The following MACROD1 variants were observed in gnomAD, a reference collection of about 807,000 sequenced individuals.
MACROD1 encodes ADP-ribose glycohydrolase MACROD1.
In MACROD1, 31 loss-of-function variants were observed where a neutral mutation model predicts 41.4. The ratio of observed to expected loss-of-function variants is 0.75; its 90% CI spans 0.56 to 1.01. The LOEUF (loss-of-function observed/expected upper bound fraction) is 1.01. MACROD1 is among the 50% of genes least tolerant of loss of function. The pLI is 0.00. For synonymous variants in MACROD1, 252 were observed against 203.4 expected (o/e 1.24, Z -2.03); for missense variants, 473 against 460.0 (o/e 1.03, Z -0.26).
chr11:64,137,075 G>A (rs867968204), intron 3 of MACROD1, among the ~76,000 whole-genome samples: 1 of 152,238 alleles, frequency 6.6e-6, no homozygotes, highest in African/African-American at 2.4e-5. Flanking sequence ...TCTTCAAATC[G>A]ATGGTGACAC....
At chr11:64,023,099 T>A (rs1000684962) in intron 3 of MACROD1, among the ~76,000 whole-genome samples, 1 of 152,040 alleles carries the variant, frequency 6.6e-6, no homozygotes, top group Admixed American at 6.6e-5. Context: ...TGATATCAAG[T>A]GATCCATCTG....
chr11:64,070,897 G>C (rs1347678695), intron 3 of MACROD1, among the ~76,000 whole-genome samples: 2 of 152,132 alleles, frequency 1.3e-5, no homozygotes, highest in African/African-American at 4.8e-5. Context: ...GACACTTGGG[G>C]AAGGGGTACC....
At chr11:64,023,999 C>T (rs1438013420) in intron 3 of MACROD1, among the ~76,000 whole-genome samples, 1 of 152,184 alleles carries the variant, frequency 6.6e-6, no homozygotes, top group Non-Finnish European at 1.5e-5. Context: ...TGGCCAGTCT[C>T]ACCCCAAGCT....
rs910055270 is a variant in MACROD1 at position 64,004,963 on chromosome 11, G to T, written c.548-4620C>A. Among the ~76,000 whole-genome samples, 14 of 152,200 alleles carry T rather than the reference G, an allele frequency of 9.2e-5. No homozygotes were observed. The South Asian group carries it at 2.7e-3, about 29-fold the overall frequency. On this transcript the variant is annotated intron_variant, in intron 4 of 10. Transcript: ENST00000255681. ...GGGGGATGGGAGACTGAGGGCCAGG[G>T]GGGTTAAGCAACCTGTCCAAGGCCC... is the stretch of plus-strand genomic sequence containing the variant.
Position 64,091,221 on chromosome 11 carries a change from G to A in MACROD1, c.517+60018C>T, listed in dbSNP as rs1046356232. On this transcript the variant is annotated intron_variant, in intron 3 of 10. Transcript: ENST00000255681. ...AGGGAAGTGGGCAGTGGCAGCCTCC[G>A]CTGCAGGGTCTGCAGCCCACGGAGT... Among the ~76,000 whole-genome samples, 8 of 152,146 alleles carry A rather than the reference G, an allele frequency of 5.3e-5. No homozygotes were observed. The South Asian group carries it at 6.2e-4, about 12-fold the overall frequency.
In MACROD1 at chr11:64,117,074, C is replaced by T. The variant is rs144664182; in HGVS notation, c.517+34165G>A. 125 of 1,601,894 alleles carry T rather than the reference C, an allele frequency of 7.8e-5. 1 individual carries two copies. The African/African-American group carries it at 1.4e-3, about 18-fold the overall frequency. ...CCGCGCCACCCCTCAACCTGCCCAGCGCCCACCTGCAGAAGCTCTACCTGC... is the reference window on the plus strand; with the variant it reads ...CCGCGCCACCCCTCAACCTGCCCAGTGCCCACCTGCAGAAGCTCTACCTGC... On this transcript the variant is annotated intron_variant, in intron 3 of 10. Transcript: ENST00000255681.
At chr11:64,075,595 AT>A (rs1302951069) in intron 3 of MACROD1, among the ~76,000 whole-genome samples, 3 of 152,236 alleles carry the variant, frequency 2.0e-5, no homozygotes, top group Non-Finnish European at 4.4e-5. Context: ...TCCTTGTCCC[AT>A]TCCATCCTGA....
At chr11:64,116,703 T>G (rs745977740) in intron 3 of MACROD1, 7 of 1,613,726 alleles carry the variant, frequency 4.3e-6, no homozygotes, top group Non-Finnish European at 5.1e-6. Context: ...TGCCAGGGAC[T>G]CGCTGGCCCG....
intron 3 of MACROD1, among the ~76,000 whole-genome samples, chr11:64,144,015 C>T (rs1430925622): frequency 6.6e-6 from 1 of 151,966 alleles, no homozygotes; most frequent in African/African-American, 2.4e-5. Flanking sequence ...CTCTGGGTCT[C>T]CCTGTCCTTA....
intron 3 of MACROD1, among the ~76,000 whole-genome samples, chr11:64,052,923 C>A (rs1238753953): frequency 6.6e-6 from 1 of 152,218 alleles, no homozygotes; most frequent in Non-Finnish European, 1.5e-5. Context: ...ACAGTATGGC[C>A]AGGCTTGGCC....
At chr11:64,054,899 T>A (rs993493862) in intron 3 of MACROD1, among the ~76,000 whole-genome samples, 7 of 152,062 alleles carry the variant, frequency 4.6e-5, no homozygotes, top group Non-Finnish European at 8.8e-5. Flanking sequence ...CACTACTCTT[T>A]CTGTCTTGGT....
intron 3 of MACROD1, among the ~76,000 whole-genome samples, chr11:64,132,439 G>A (rs1413270460): frequency 7.5e-6 from 1 of 133,994 alleles, no homozygotes; most frequent in East Asian, 2.7e-4. Context: ...TGGGGGTGGG[G>A]CGGGGGGAGG....
chr11:64,098,297 C>T (rs1221480883), intron 3 of MACROD1, among the ~76,000 whole-genome samples: 4 of 152,224 alleles, frequency 2.6e-5, no homozygotes, highest in Admixed American at 6.5e-5. Context: ...GCTCGGATCA[C>T]GGCCCTCCAC....
chr11:64,059,292 G>T (rs1215972092), intron 3 of MACROD1, among the ~76,000 whole-genome samples: 3 of 152,190 alleles, frequency 2.0e-5, no homozygotes, highest in Admixed American at 6.5e-5. Context: ...AGAGGGTCTT[G>T]CGGGTCCTGG....
rs954129306 is a variant in MACROD1, at chr11:64,122,699, C to G, written c.517+28540G>C. ...TGTGCTAGGGAGGGGTCCAGCGTCA[C>G]TCAGGAAACTGGTGCTCCAGAGGCC... On this transcript the variant is annotated intron_variant, in intron 3 of 10. Coordinates refer to ENST00000255681, the MANE Select transcript of MACROD1 (RefSeq NM_014067.4). This position sits in a 1 kb window ranked among gnomAD's most constrained non-coding sequence, Gnocchi z 4.0. Among the ~76,000 whole-genome samples, 5 of 152,182 alleles carry G rather than the reference C, an allele frequency of 3.3e-5. No homozygotes were observed. The highest frequency in any genetic ancestry group is 1.2e-4 in the African/African-American group (5 of 41,434).
chr11:64,055,508 A>AG (rs1173446429), intron 3 of MACROD1, among the ~76,000 whole-genome samples: 2 of 152,064 alleles, frequency 1.3e-5, no homozygotes, highest in Non-Finnish European at 2.9e-5. Flanking sequence ...CTGCCCCATT[A>AG]GGGGGCTAAA....
intron 3 of MACROD1, among the ~76,000 whole-genome samples, chr11:64,031,501 G>A (rs1211118035): frequency 4.6e-5 from 5 of 107,590 alleles, no homozygotes; most frequent in African/African-American, 8.4e-5. Flanking sequence ...TTTTTGTGAC[G>A]TAGTCTCACT....
intron 10 of MACROD1, 34 bp from the exon 11 acceptor site, chr11:63,998,721 GCGTCCCCGACCTCCCAGGCTGCCC>G (rs1228342256): frequency 7.1e-7 from 1 of 1,412,582 alleles, no homozygotes; most frequent in East Asian, 2.6e-5. Flanking sequence ...GTGTCTATGG[GCGTCCCCGACCTCCCAGGCTGCCC>G]CGTGGTTTCC....
intron 3 of MACROD1, among the ~76,000 whole-genome samples, chr11:64,039,487 G>A (rs1311742041): frequency 2.6e-5 from 4 of 151,920 alleles, no homozygotes; most frequent in Admixed American, 6.6e-5. Context: ...GCTGGCCCAC[G>A]AGGCAGCTGC....
Sources: allele counts gnomAD v4.1 joint callset (sites outside exome capture counted in the v4.1 genomes callset), GRCh38; gene constraint gnomAD v4.1.1; non-coding constraint Gnocchi (gnomAD v3.1); transcripts MANE v1.5; gene names NCBI Gene and HGNC (gene_info 2026-07-23, HGNC 2026-07-21).